Variants in RHOH observed in about 807,000 individuals in gnomAD.
The protein encoded by RHOH is ras homolog family member H, also known as rho-related GTP-binding protein RhoH.
Under a neutral mutation model 13.8 loss-of-function variants are expected in RHOH, and 6 were observed. The ratio of observed to expected loss-of-function variants is 0.44; its 90% CI spans 0.24 to 0.86. The LOEUF (loss-of-function observed/expected upper bound fraction) is 0.86, where lower values mean the gene tolerates loss of function less well. RHOH is among the 40% of genes least tolerant of loss of function. The probability of loss-of-function intolerance (pLI) is 0.24; values close to 1 mark genes in which losing one functional copy is unlikely to be tolerated. For missense variants in RHOH, 147 were observed against 244.5 expected (o/e 0.60, Z 2.66); for synonymous variants, 117 against 103.0 (o/e 1.14, Z -0.82).
chr4:40,200,783 T>C (rs997835546), intron 1 of RHOH, among the ~76,000 whole-genome samples: 5 of 152,206 alleles, frequency 3.3e-5, no homozygotes, highest in Admixed American at 6.5e-5. Context: ...AACCAAAGTG[T>C]TGTATACATG....
At chr4:40,223,767 G>GTTTTTT (rs56144023) in intron 1 of RHOH, among the ~76,000 whole-genome samples, 15 of 83,918 alleles carry the variant, frequency 1.8e-4, no homozygotes, top group South Asian at 1.2e-3. Flanking sequence ...AACATAACTT[G>GTTTTTT]TTTTTTTTTT....
At chr4:40,212,991 G>C (rs188559164) in intron 1 of RHOH, among the ~76,000 whole-genome samples, 1 of 152,214 alleles carries the variant, frequency 6.6e-6, no homozygotes, top group Admixed American at 6.5e-5. Flanking sequence ...AGAGCGAGAC[G>C]TGTGCTGTGG....
intron 1 of RHOH, among the ~76,000 whole-genome samples, chr4:40,204,971 A>G (rs771644223): frequency 6.6e-6 from 1 of 152,234 alleles, no homozygotes; most frequent in Non-Finnish European, 1.5e-5. Flanking sequence ...GGCACAAGAA[A>G]TGCAGGCAGG....
chr4:40,198,673 C>A (rs1378108768), intron 1 of RHOH, among the ~76,000 whole-genome samples: 2 of 152,180 alleles, frequency 1.3e-5, no homozygotes, highest in African/African-American at 2.4e-5. Context: ...CTCGGGGTAC[C>A]AGTAAGACCT....
rs1000887722 is a variant in RHOH, at chr4:40,244,075, C to A, written c.*113C>A. 9 of 826,158 alleles carry A rather than the reference C, an allele frequency of 1.1e-5. No individual in the cohort carries two copies. Among genetic ancestry groups the A allele is most frequent in the Non-Finnish European group, 1.7e-5 (9 of 530,482 alleles). The allele number at this position is 826,158 out of a possible 1,614,324, so 51.2% of individuals were successfully genotyped here. ...TTTTCTCTGGGTACACCCCAAGCAG[C>A]GTCTCCTTTTGGATACAGTTATTGA... On this transcript the variant is annotated 3_prime_UTR_variant, in exon 3 of 3. Transcript: ENST00000381799.
chr4:40,205,457 C>T (rs1724537141), intron 1 of RHOH, among the ~76,000 whole-genome samples: 1 of 152,214 alleles, frequency 6.6e-6, no homozygotes. Context: ...GTTGTCTTAT[C>T]TGAAGCTGAA....
At chr4:40,198,023 AG>A (rs1168887934) in intron 1 of RHOH, among the ~76,000 whole-genome samples, 1 of 152,218 alleles carries the variant, frequency 6.6e-6, no homozygotes, top group African/African-American at 2.4e-5. Flanking sequence ...GGTGCCGTGG[AG>A]GATATAAGAG....
chr4:40,208,948 A>G (rs745377383), intron 1 of RHOH, among the ~76,000 whole-genome samples: 3 of 152,126 alleles, frequency 2.0e-5, no homozygotes, highest in Non-Finnish European at 4.4e-5. Context: ...GTAAATAAAT[A>G]TGTTAGAAAT....
intron 1 of RHOH, among the ~76,000 whole-genome samples, chr4:40,240,578 A>T (rs1186482313): frequency 6.6e-6 from 1 of 152,016 alleles, no homozygotes; most frequent in Admixed American, 6.6e-5. Flanking sequence ...GGAGTTCAAG[A>T]CCAACCTTGG....
chr4:40,196,607 CTT>C (rs1428521701), upstream of RHOH, among the ~76,000 whole-genome samples: 1 of 151,012 alleles, frequency 6.6e-6, no homozygotes, highest in Non-Finnish European at 1.5e-5. Flanking sequence ...CAATCCACCT[CTT>C]GTTTTCCCCA....
At chr4:40,211,239 T>C (rs1317144872) in intron 1 of RHOH, among the ~76,000 whole-genome samples, 3 of 152,154 alleles carry the variant, frequency 2.0e-5, no homozygotes, top group African/African-American at 4.8e-5. Flanking sequence ...ATTTAACATA[T>C]ACTTTATTTC....
In RHOH at chr4:40,239,873, G is replaced by A. The variant is rs555716675; in HGVS notation, c.-330-2841G>A. Among the ~76,000 whole-genome samples, 501 of 141,990 alleles carry A rather than the reference G, an allele frequency of 3.5e-3. 2 individuals carry two copies. The highest frequency in any genetic ancestry group is 0.014 in the African/African-American group (481 of 34,360). The allele number at this position is 141,990 out of a possible 152,430, so 93.2% of individuals were successfully genotyped here. A position where few individuals can be genotyped will look rare whatever the true frequency, so the allele number is the denominator to read the frequency against. On this transcript the variant is annotated intron_variant, in intron 1 of 2. Transcript: ENST00000381799. Reference sequence around the variant, plus strand: ...AGCCTGAGCAACAGAGCGAGACTCCGTCTCAAGAAAAAAAAAAAAAGAATT... The same window carrying A: ...AGCCTGAGCAACAGAGCGAGACTCCATCTCAAGAAAAAAAAAAAAAGAATT...
At position 40,244,047 on chromosome 4, in the gene RHOH, G is replaced by A; in HGVS notation, c.*85G>A. Reference sequence around the variant, plus strand: ...AGGGCCGGGAAGCCAGGAAAGCTTGGTGTTTTCTCTGGGTACACCCCAAGC... The same window carrying A: ...AGGGCCGGGAAGCCAGGAAAGCTTGATGTTTTCTCTGGGTACACCCCAAGC... On this transcript the variant is annotated 3_prime_UTR_variant, in exon 3 of 3. Coordinates refer to ENST00000381799, the MANE Select transcript of RHOH (RefSeq NM_004310.5). 1 of 1,164,750 alleles carries A rather than the reference G, an allele frequency of 8.6e-7. No individual in the cohort carries two copies. The highest frequency in any genetic ancestry group is 1.2e-6 in the Non-Finnish European group (1 of 829,904). 72.2% of individuals were successfully genotyped at this position (1,164,750 alleles called of 1,614,324 possible). A position where few individuals can be genotyped will look rare whatever the true frequency, so the allele number is the denominator to read the frequency against.
intron 1 of RHOH, among the ~76,000 whole-genome samples, chr4:40,241,959 TTA>T (rs2109580822): frequency 6.6e-6 from 1 of 152,328 alleles, no homozygotes; most frequent in Non-Finnish European, 1.5e-5. Context: ...GACTTAAAAA[TTA>T]TGTTTAAATC....
At position 40,225,726 on chromosome 4, in the gene RHOH, C is replaced by T. The variant is rs186248466; in HGVS notation, c.-330-16988C>T. Among the ~76,000 whole-genome samples the T allele has an allele frequency of 3.1e-3, 465 of 152,256 alleles. 2 individuals are homozygous for T. The highest frequency in any genetic ancestry group is 5.5e-3 in the Non-Finnish European group (375 of 68,010). On this transcript the variant is annotated intron_variant, in intron 1 of 2. Transcript: ENST00000381799. Reference sequence around the variant, plus strand: ...ACCCACCAGCAGAAAAATGTATTTCCGGCCTTTCTTCCTCACCCTCTGCCA... The same window carrying T: ...ACCCACCAGCAGAAAAATGTATTTCTGGCCTTTCTTCCTCACCCTCTGCCA...
intron 1 of RHOH, among the ~76,000 whole-genome samples, chr4:40,215,538 T>C (rs1214743236): frequency 2.0e-5 from 3 of 152,196 alleles, no homozygotes; most frequent in African/African-American, 7.2e-5. Context: ...TCTAAGGTAA[T>C]GCCCCTCTCC....
intron 1 of RHOH, among the ~76,000 whole-genome samples, chr4:40,207,992 T>A (rs998098527): frequency 1.8e-4 from 27 of 151,596 alleles, no homozygotes; most frequent in Non-Finnish European, 3.4e-4. Flanking sequence ...AATAATAATT[T>A]AAAAAAACTA....
intron 1 of RHOH, among the ~76,000 whole-genome samples, chr4:40,240,514 C>A (rs1416629537): frequency 2.0e-5 from 3 of 151,506 alleles, no homozygotes; most frequent in Admixed American, 2.0e-4. Flanking sequence ...TGGTGACTCA[C>A]GCCTGTAATC....
At chr4:40,238,449 G>A (rs1311108994) in intron 1 of RHOH, among the ~76,000 whole-genome samples, 5 of 152,192 alleles carry the variant, frequency 3.3e-5, no homozygotes, top group Non-Finnish European at 2.9e-5. Context: ...AGGAGGAAAT[G>A]GGTTAGGATG....
Sources: gnomAD v4.1 joint callset for allele counts (sites outside exome capture counted in the v4.1 genomes callset) on GRCh38, gnomAD v4.1.1 for gene constraint, MANE v1.5 for transcripts, NCBI Gene and HGNC (gene_info 2026-07-23, HGNC 2026-07-21) for gene names.